Variants in ALDH1L2 observed in about 807,000 individuals in gnomAD.
ALDH1L2 encodes aldehyde dehydrogenase 1 family member L2.
A neutral mutation model predicts 111.0 loss-of-function variants in ALDH1L2; 91 were observed. The ratio of observed to expected loss-of-function variants is 0.82; its 90% CI spans 0.69 to 0.98. The LOEUF (loss-of-function observed/expected upper bound fraction) is 0.98, where lower values mean the gene tolerates loss of function less well. Among genes scored for constraint, ALDH1L2 ranks in the 50% least tolerant of loss-of-function variants. The pLI is 0.00. For missense variants in ALDH1L2, 995 were observed against 1,126.8 expected (o/e 0.88, Z 1.67); for synonymous variants, 374 against 392.6 (o/e 0.95, Z 0.56).
chr12:105,027,665 A>C (rs942122850), intron 21 of ALDH1L2, among the ~76,000 whole-genome samples: 1 of 152,228 alleles, frequency 6.6e-6, no homozygotes, highest in African/African-American at 2.4e-5. Context: ...CTGGAACACA[A>C]TAAATGTTCA....
In ALDH1L2 at chr12:105,023,719, G is replaced by A. The variant is rs1362835728; in HGVS notation, c.*705C>T. 6 of 152,140 alleles carry A rather than the reference G, an allele frequency of 3.9e-5. No homozygotes were observed. Among genetic ancestry groups the A allele is most frequent in the Admixed American group, 3.9e-4 (6 of 15,260 alleles). The allele number at this position is 152,140 out of a possible 1,614,324, so 9.4% of individuals were successfully genotyped here. A position where few individuals can be genotyped will look rare whatever the true frequency, so the allele number is the denominator to read the frequency against. ...TAGGAAGATGGTATGATACGACCAG[G>A]ATCAGCCTTCTACTATATCATATGT... is the stretch of plus-strand genomic sequence containing the variant. On this transcript the variant is annotated 3_prime_UTR_variant, in exon 23 of 23. Coordinates refer to ENST00000258494, the MANE Select transcript of ALDH1L2 (RefSeq NM_001034173.4).
intron 1 of ALDH1L2, among the ~76,000 whole-genome samples, chr12:105,081,968 A>T (rs1016150896): frequency 3.9e-5 from 6 of 152,186 alleles, no homozygotes; most frequent in South Asian, 2.1e-4. Flanking sequence ...CCGAGGCAGG[A>T]GGATCACTTG....
chr12:105,083,371 A>G (rs370817493), intron 1 of ALDH1L2, among the ~76,000 whole-genome samples: 5 of 151,340 alleles, frequency 3.3e-5, no homozygotes, highest in African/African-American at 1.2e-4. Context: ...CCTCAAAGTA[A>G]CTAGAACTGG....
chr12:105,028,912 T>C (rs1874556827), intron 21 of ALDH1L2, among the ~76,000 whole-genome samples: 1 of 152,226 alleles, frequency 6.6e-6, no homozygotes, highest in South Asian at 2.1e-4. Flanking sequence ...TGTCCCTATG[T>C]TTTTAGGAAG....
intron 7 of ALDH1L2, 45 bp from the exon 8 acceptor site, chr12:105,061,797 C>A: frequency 6.2e-7 from 1 of 1,611,772 alleles, no homozygotes; most frequent in Non-Finnish European, 8.5e-7. Flanking sequence ...AGGATTGAGA[C>A]AATACAAAAG....
intron 15 of ALDH1L2, among the ~76,000 whole-genome samples, chr12:105,042,320 C>T (rs927869712): frequency 3.9e-5 from 6 of 152,086 alleles, no homozygotes; most frequent in African/African-American, 9.7e-5. Flanking sequence ...AATCCTAAAA[C>T]ATAGAGAAAG....
Position 105,026,591 on chromosome 12 carries a change from C to A in ALDH1L2, c.2670G>T (p.Ala890=). ...ATTGTTTAACTCCGCCAAATGGGGC[C>A]GCCACATCTGTCTTGTTGTATGTGT... The part of the protein sequence containing the change: ...FINTYNKTDV[A]APFGGVKQSG... The change falls in exon 22 of 23, where the codon GCG becomes GCT. Residue 890 remains alanine (A), a synonymous_variant. Transcript: ENST00000258494. 2 of 1,614,108 alleles carry A rather than the reference C, an allele frequency of 1.2e-6. No homozygotes were observed. The highest frequency in any genetic ancestry group is 1.7e-6 in the Non-Finnish European group (2 of 1,180,008).
rs1874275948 is a variant in ALDH1L2 at position 105,023,782 on chromosome 12, T to C, written c.*642A>G. On this transcript the variant is annotated 3_prime_UTR_variant, in exon 23 of 23. Coordinates refer to ENST00000258494, the MANE Select transcript of ALDH1L2 (RefSeq NM_001034173.4). ...AAAAGCTATTTACTAAAATTTAAAC[T>C]ATGTGGGGGCCAGCCATCATATCAT... 6.6e-6 allele frequency: 1 copy of C among 152,180 alleles called. No homozygotes were observed. Among genetic ancestry groups the C allele is most frequent in the Admixed American group, 6.5e-5 (1 of 15,272 alleles). The allele number at this position is 152,180 out of a possible 1,614,324, so 9.4% of individuals were successfully genotyped here.
intron 10 of ALDH1L2, among the ~76,000 whole-genome samples, chr12:105,055,116 G>A (rs904403784): frequency 1.3e-5 from 2 of 152,138 alleles, no homozygotes; most frequent in Admixed American, 1.3e-4. Flanking sequence ...GACCTCAGAA[G>A]GCCCTTATCT....
chr12:105,052,543 T>G (rs56369757), intron 11 of ALDH1L2, among the ~76,000 whole-genome samples: 58,513 of 152,050 alleles, frequency 0.38, 12,539 homozygotes, highest in Middle Eastern at 0.61. Context: ...TTCACATATA[T>G]CTCTATGCAG....
chr12:105,020,295 T>C lies in ALDH1L2; in HGVS notation c.*4129A>G, dbSNP rs1343255021. The C allele has an allele frequency of 1.3e-5, 2 of 152,182 alleles. No homozygotes were observed. Among genetic ancestry groups the C allele is most frequent in the Non-Finnish European group, 2.9e-5 (2 of 68,032 alleles). 9.4% of individuals were successfully genotyped at this position (152,182 alleles called of 1,614,324 possible). On this transcript the variant is annotated 3_prime_UTR_variant, in exon 23 of 23. Coordinates refer to ENST00000258494, the MANE Select transcript of ALDH1L2 (RefSeq NM_001034173.4). ...AGATAATGTCCATTTTGCTTATTAT[T>C]TTTAGTTTAACCAATACTTAATATG...
rs574964685 is a variant in ALDH1L2, at chr12:105,023,091, A to G, written c.*1333T>C. 1 of 152,288 alleles carries G rather than the reference A, an allele frequency of 6.6e-6. No homozygotes were observed. Among genetic ancestry groups the G allele is most frequent in the Admixed American group, 6.5e-5 (1 of 15,292 alleles). The allele number at this position is 152,288 out of a possible 1,614,324, so 9.4% of individuals were successfully genotyped here. A position where few individuals can be genotyped will look rare whatever the true frequency, so the allele number is the denominator to read the frequency against. ...GCTGTTAATAGTTTCCATTTCTTCA[A>G]TGCTATGGTCCAAACGCCTTGTTAA... On this transcript the variant is annotated 3_prime_UTR_variant, in exon 23 of 23. Transcript: ENST00000258494.
At chr12:105,040,581 G>C in intron 16 of ALDH1L2, 26 bp downstream of exon 16, 1 of 1,609,478 alleles carries the variant, frequency 6.2e-7, no homozygotes, top group Non-Finnish European at 8.5e-7. Context: ...ATTAGTTATA[G>C]CACAGTCGGT....
chr12:105,069,005 G>T, intron 3 of ALDH1L2, 121 bp from the exon 4 acceptor site: 1 of 985,406 alleles, frequency 1.0e-6, no homozygotes, highest in Non-Finnish European at 1.4e-6. Context: ...AAGCTACCAT[G>T]AGAAATTAAC....
intron 19 of ALDH1L2, among the ~76,000 whole-genome samples, chr12:105,033,774 G>C (rs570892920): frequency 7.5e-4 from 114 of 152,220 alleles, no homozygotes; most frequent in African/African-American, 2.7e-3. Context: ...GGAATTATAT[G>C]CTATCATGTC....
chr12:105,049,530 A>G (rs1205384565), intron 13 of ALDH1L2: 1 of 154,012 alleles, frequency 6.5e-6, no homozygotes, highest in Non-Finnish European at 1.4e-5. Context: ...CTCCACCTTA[A>G]TGAATGGATC....
intron 17 of ALDH1L2, 83 bp from the exon 18 acceptor site, chr12:105,038,285 C>A (rs767322834): frequency 3.0e-3 from 241 of 81,306 alleles, no homozygotes; most frequent in African/African-American, 0.012. Flanking sequence ...CACAAACACA[C>A]ACACACACAC....
rs574178096 is a variant in ALDH1L2, at chr12:105,020,817, C to T, written c.*3607G>A. The T allele has an allele frequency of 6.6e-6, 1 of 152,310 alleles. No homozygotes were observed. Among genetic ancestry groups the T allele is most frequent in the East Asian group, 1.9e-4 (1 of 5,182 alleles). 9.4% of individuals were successfully genotyped at this position (152,310 alleles called of 1,614,324 possible). On this transcript the variant is annotated 3_prime_UTR_variant, in exon 23 of 23. Coordinates refer to ENST00000258494, the MANE Select transcript of ALDH1L2 (RefSeq NM_001034173.4). ...AGAGGCAGTGGTGTGCTGGTGCTGG[C>T]TTGCATTTGTTCTGATGGCATGCAT...
At chr12:105,059,282 T>G (rs1592791951) in intron 9 of ALDH1L2, among the ~76,000 whole-genome samples, 1 of 33,570 alleles carries the variant, frequency 3.0e-5, no homozygotes, top group African/African-American at 6.9e-5. Context: ...ATAATAATAA[T>G]AATAATAATA....
Sources: gnomAD v4.1 joint callset for allele counts (sites outside exome capture counted in the v4.1 genomes callset) on GRCh38, gnomAD v4.1.1 for gene constraint, MANE v1.5 for transcripts, NCBI Gene and HGNC (gene_info 2026-07-23, HGNC 2026-07-21) for gene names.